UCHL1: variants seen among roughly 807,000 people sequenced by gnomAD.
UCHL1 encodes ubiquitin C-terminal hydrolase L1.
Under a neutral mutation model 33.3 loss-of-function variants are expected in UCHL1, and 5 were observed. That is an observed-to-expected ratio of 0.15 (90% confidence interval 0.08 to 0.32). The LOEUF is 0.32. Ranked by LOEUF, UCHL1 falls within the 10% of genes least tolerant of loss-of-function variation. The probability of loss-of-function intolerance (pLI) is 1.00; values close to 1 mark genes in which losing one functional copy is unlikely to be tolerated. For synonymous variants in UCHL1, 132 were observed against 108.8 expected, an observed-to-expected ratio of 1.21 and a Z score of -1.33; for missense variants, 236 against 280.0, an observed-to-expected ratio of 0.84 and a Z score of 1.12.
intron 2 of UCHL1, chr4:41,257,332 G>T: frequency 2.0e-6 from 2 of 990,314 alleles, no homozygotes; most frequent in Non-Finnish European, 1.4e-6. Context: ...GACGGAGGGG[G>T]CTGCGCCCCG....
chr4:41,259,715 T>C (rs1294745664), intron 3 of UCHL1, among the ~76,000 whole-genome samples: 1 of 152,172 alleles, frequency 6.6e-6, no homozygotes, highest in Non-Finnish European at 1.5e-5. Flanking sequence ...TCCTAACTTA[T>C]TTATTATATT....
intron 2 of UCHL1, chr4:41,257,401 C>T: frequency 1.1e-6 from 1 of 888,354 alleles, no homozygotes. Context: ...ACAGACTCGG[C>T]TGCACGGGCT....
chr4:41,259,730 T>A (rs1189537857), intron 3 of UCHL1, among the ~76,000 whole-genome samples: 4 of 152,188 alleles, frequency 2.6e-5, no homozygotes, highest in African/African-American at 9.6e-5. Context: ...TATATTTTTA[T>A]TTTTTAGAGA....
chr4:41,266,583 CTT>C (rs1420648438), intron 8 of UCHL1, among the ~76,000 whole-genome samples: 1 of 152,060 alleles, frequency 6.6e-6, no homozygotes, highest in African/African-American at 2.4e-5. Flanking sequence ...TATTAAAAAA[CTT>C]GGTAGAGGAT....
At chr4:41,259,580 A>C (rs1781038185) in intron 3 of UCHL1, among the ~76,000 whole-genome samples, 1 of 152,218 alleles carries the variant, frequency 6.6e-6, no homozygotes, top group Non-Finnish European at 1.5e-5. Context: ...CTTAAACTTC[A>C]GTTCATGTAC....
chr4:41,257,261 C>A, intron 2 of UCHL1, 135 bp downstream of exon 2: 1 of 1,395,250 alleles, frequency 7.2e-7, no homozygotes, highest in Non-Finnish European at 9.6e-7. Context: ...GGGGCGTGGG[C>A]TGGGCGCCTT....
intron 7 of UCHL1, among the ~76,000 whole-genome samples, chr4:41,263,768 A>G (rs1317980953): frequency 1.3e-5 from 2 of 152,148 alleles, no homozygotes; most frequent in Non-Finnish European, 2.9e-5. Flanking sequence ...ATAAAATCTC[A>G]GGCGTCTCCT....
At chr4:41,257,183 G>A in intron 2 of UCHL1, 57 bp downstream of exon 2, 1 of 1,610,704 alleles carries the variant, frequency 6.2e-7, no homozygotes, top group Non-Finnish European at 8.5e-7. Flanking sequence ...CGAGGCGGGG[G>A]CGCCCACCGG....
chr4:41,262,055 AC>A, intron 6 of UCHL1, 132 bp downstream of exon 6: 2 of 1,297,872 alleles, frequency 1.5e-6, no homozygotes, highest in Non-Finnish European at 1.1e-6. Context: ...AGAAAGTTCT[AC>A]CCAAATAATG....
intron 3 of UCHL1, among the ~76,000 whole-genome samples, chr4:41,258,440 C>A (rs898225758): frequency 1.3e-5 from 2 of 152,062 alleles, no homozygotes; most frequent in African/African-American, 2.4e-5. Context: ...TTTGCATTTC[C>A]CTTGAAATGA....
chr4:41,257,875 A>C, intron 3 of UCHL1, 138 bp downstream of exon 3: 1 of 1,325,798 alleles, frequency 7.5e-7, no homozygotes, highest in East Asian at 2.7e-5. Flanking sequence ...AGGAGCCTGC[A>C]TTTTCGTGGT....
intron 2 of UCHL1, 46 bp from the exon 3 acceptor site, chr4:41,257,563 A>G: frequency 2.7e-6 from 4 of 1,462,874 alleles, no homozygotes; most frequent in Non-Finnish European, 3.6e-6. Context: ...GGTGCCCGCG[A>G]CCCGCGTGTC....
At chr4:41,261,665 A>T in intron 4 of UCHL1, 50 bp from the exon 5 acceptor site, 1 of 1,575,406 alleles carries the variant, frequency 6.3e-7, no homozygotes, top group Non-Finnish European at 8.7e-7. Flanking sequence ...ATAAATATGT[A>T]CCCACTTGTA....
intron 4 of UCHL1, 40 bp downstream of exon 4, chr4:41,260,837 C>A (rs1320652645): frequency 6.2e-7 from 1 of 1,613,958 alleles, no homozygotes; most frequent in African/African-American, 1.3e-5. Flanking sequence ...TAAGCTTGAA[C>A]TTGAAACATG....
At chr4:41,267,343 AC>A (rs952678909) in intron 8 of UCHL1, among the ~76,000 whole-genome samples, 4 of 152,098 alleles carry the variant, frequency 2.6e-5, no homozygotes, top group African/African-American at 9.7e-5. Context: ...TCCTGGGTTC[AC>A]GCCATTCTCC....
intron 4 of UCHL1, among the ~76,000 whole-genome samples, chr4:41,261,240 C>A (rs1303378933): frequency 6.6e-6 from 1 of 152,110 alleles, no homozygotes; most frequent in Non-Finnish European, 1.5e-5. Context: ...ACCCCATAAT[C>A]TTGGTTTGGG....
chr4:41,257,830 C>A, intron 3 of UCHL1, 93 bp downstream of exon 3: 1 of 1,472,042 alleles, frequency 6.8e-7, no homozygotes, highest in Non-Finnish European at 9.0e-7. Context: ...GCCCCCTCCC[C>A]TGTAGGTGAT....
chr4:41,266,842 A>G (rs1047276885), intron 8 of UCHL1, among the ~76,000 whole-genome samples: 1 of 152,112 alleles, frequency 6.6e-6, no homozygotes, highest in Non-Finnish European at 1.5e-5. Flanking sequence ...CCTGAGCTCA[A>G]GTCATCCGCT....
chr4:41,257,839 AT>A, intron 3 of UCHL1, 102 bp downstream of exon 3: 4 of 1,450,076 alleles, frequency 2.8e-6, no homozygotes, highest in Non-Finnish European at 3.6e-6. Context: ...CCTGTAGGTG[AT>A]GCGGGGCGCG....
Sources: gnomAD v4.1 joint callset for allele counts (sites outside exome capture counted in the v4.1 genomes callset) on GRCh38, gnomAD v4.1.1 for gene constraint, MANE v1.5 for transcripts, NCBI Gene and HGNC (gene_info 2026-07-23, HGNC 2026-07-21) for gene names.